Variants in CNOT6 observed in about 807,000 individuals in gnomAD.
CNOT6 encodes CCR4-NOT transcription complex subunit 6, also known as carbon catabolite repression 4 protein.
CNOT6 carries 12 observed loss-of-function variants against 61.2 expected under a neutral mutation model. The observed-to-expected ratio is 0.20, with a 90% confidence interval of 0.13 to 0.32. The LOEUF (loss-of-function observed/expected upper bound fraction) is 0.32, where lower values mean the gene tolerates loss of function less well. Among genes scored for constraint, CNOT6 ranks in the 10% least tolerant of loss-of-function variants. CNOT6 has a pLI of 1.00. For synonymous variants in CNOT6, 225 were observed against 240.6 expected (o/e 0.94, Z 0.60); for missense variants, 405 against 663.9 (o/e 0.61, Z 4.28).
chr5:180,533,036 G>C (rs1758470269), intron 2 of CNOT6, among the ~76,000 whole-genome samples: 1 of 152,076 alleles, frequency 6.6e-6, no homozygotes, highest in African/African-American at 2.4e-5. Flanking sequence ...TCATTACATA[G>C]GCATGGTTGA....
At position 180,536,999 on chromosome 5, in the gene CNOT6, C is replaced by G. The variant is rs560311058; in HGVS notation, c.112+7611C>G. On this transcript the variant is annotated intron_variant, in intron 2 of 11. Transcript: ENST00000261951. ...CTTGATAGCTCATTCTTTTTTAGCA[C>G]TGAGTAATATTCCATTGTCTGGATG... is the stretch of plus-strand genomic sequence containing the variant. Among the ~76,000 whole-genome samples, 15 of 152,270 alleles carry G rather than the reference C, an allele frequency of 9.9e-5. No individual in the cohort carries two copies. The South Asian group carries it at 1.9e-3, about 19-fold the overall frequency.
chr5:180,544,625 C>G (rs1295958990), intron 2 of CNOT6, among the ~76,000 whole-genome samples: 3 of 151,932 alleles, frequency 2.0e-5, no homozygotes, highest in Non-Finnish European at 2.9e-5. Context: ...GCTTATTTTT[C>G]TGGCAGATGG....
At chr5:180,572,285 G>A (rs757751678) in intron 11 of CNOT6, among the ~76,000 whole-genome samples, 31 of 152,042 alleles carry the variant, frequency 2.0e-4, no homozygotes, top group Non-Finnish European at 3.8e-4. Context: ...CACCTCCCAG[G>A]TTCAAGTGAT....
At chr5:180,529,429 A>T (rs1433641619) in intron 2 of CNOT6, 41 bp downstream of exon 2, 2 of 1,225,472 alleles carry the variant, frequency 1.6e-6, no homozygotes, top group East Asian at 4.6e-5. Context: ...GGAAATTAAG[A>T]TATGGTAGTA....
In CNOT6 at chr5:180,532,486, T is replaced by C. The variant is rs72648851; in HGVS notation, c.112+3098T>C. ...TGGGAAGAAGTTCTGTATACACATA[T>C]AGGGAAAAACCCTCAACCCATGTTT... On this transcript the variant is annotated intron_variant, in intron 2 of 11. Transcript: ENST00000261951. Among the ~76,000 whole-genome samples, 291 of 152,256 alleles carry C rather than the reference T, an allele frequency of 1.9e-3. 7 individuals are homozygous for C. In the East Asian group the frequency reaches 0.044, roughly 23 times the overall value.
intron 1 of CNOT6, among the ~76,000 whole-genome samples, chr5:180,513,027 C>G (rs1382516523): frequency 6.6e-6 from 1 of 152,156 alleles, no homozygotes. Flanking sequence ...TCCCGAGTAG[C>G]TGGGACTACA....
chr5:180,537,532 T>A (rs1472754770), intron 2 of CNOT6, among the ~76,000 whole-genome samples: 1 of 152,174 alleles, frequency 6.6e-6, no homozygotes, highest in African/African-American at 2.4e-5. Flanking sequence ...AATGCGGATA[T>A]GTCTTTTGCA....
intron 11 of CNOT6, among the ~76,000 whole-genome samples, chr5:180,573,155 G>C (rs970161361): frequency 4.6e-5 from 7 of 152,190 alleles, no homozygotes; most frequent in Non-Finnish European, 1.5e-5. Flanking sequence ...TGCTGATGCA[G>C]TGGCAGGAAG....
At chr5:180,547,580 T>C (rs1001356032) in intron 2 of CNOT6, among the ~76,000 whole-genome samples, 4 of 152,224 alleles carry the variant, frequency 2.6e-5, no homozygotes, top group African/African-American at 9.6e-5. Context: ...TGTTTACAGC[T>C]GGGAGTCTGC....
chr5:180,513,090 C>A (rs1007587201), intron 1 of CNOT6, among the ~76,000 whole-genome samples: 1 of 151,302 alleles, frequency 6.6e-6, no homozygotes, highest in South Asian at 2.1e-4. Flanking sequence ...GTAGACACGG[C>A]ATTTCACCTT....
At chr5:180,569,080 C>T (rs773360090) in intron 9 of CNOT6, 30 bp from the exon 10 acceptor site, 7 of 1,560,620 alleles carry the variant, frequency 4.5e-6, no homozygotes, top group Non-Finnish European at 6.2e-6. Context: ...GGTTTTGTCT[C>T]TTTCTTTGTT....
At chr5:180,509,583 ATT>A (rs756885836) in intron 1 of CNOT6, among the ~76,000 whole-genome samples, 24 of 139,768 alleles carry the variant, frequency 1.7e-4, no homozygotes, top group Non-Finnish European at 1.6e-4. Flanking sequence ...CACCTGGCTA[ATT>A]TTTTTTTTTT....
At chr5:180,572,619 AAC>A (rs1352003286) in intron 11 of CNOT6, among the ~76,000 whole-genome samples, 2 of 152,192 alleles carry the variant, frequency 1.3e-5, no homozygotes, top group Non-Finnish European at 2.9e-5. Flanking sequence ...ATGTGATGAT[AAC>A]ACACTGCAGC....
chr5:180,550,877 C>T (rs987960994), intron 3 of CNOT6, among the ~76,000 whole-genome samples: 4 of 152,156 alleles, frequency 2.6e-5, no homozygotes, highest in East Asian at 1.9e-4. Flanking sequence ...GGGCCTGTAG[C>T]ATGAAATATA....
At chr5:180,525,408 G>C (rs781571415) in intron 1 of CNOT6, among the ~76,000 whole-genome samples, 1 of 151,886 alleles carries the variant, frequency 6.6e-6, no homozygotes, top group African/African-American at 2.4e-5. Flanking sequence ...GTGTGGTGGC[G>C]CATGCCTGTA....
intron 6 of CNOT6, among the ~76,000 whole-genome samples, chr5:180,565,516 T>C (rs1049790893): frequency 7.2e-5 from 11 of 152,186 alleles, no homozygotes; most frequent in African/African-American, 2.7e-4. Flanking sequence ...AGAAGGAGTA[T>C]AGAAATGAGG....
At chr5:180,565,276 C>G (rs953690046) in intron 6 of CNOT6, among the ~76,000 whole-genome samples, 2 of 152,232 alleles carry the variant, frequency 1.3e-5, no homozygotes, top group Admixed American at 6.5e-5. Flanking sequence ...GAGAGCCAAA[C>G]CCTTACTTAG....
chr5:180,570,633 A>G (rs1760701498), intron 10 of CNOT6, among the ~76,000 whole-genome samples: 1 of 152,254 alleles, frequency 6.6e-6, no homozygotes. Flanking sequence ...GTATTATAAT[A>G]GCAGGCAGGT....
Position 180,528,073 on chromosome 5 carries a change from C to T in CNOT6, c.-2-1202C>T, listed in dbSNP as rs79238312. 4.1e-3 allele frequency among the ~76,000 whole-genome samples: 563 copies of T among 137,972 alleles called. 3 individuals are homozygous for T. Among genetic ancestry groups the T allele is most frequent in the African/African-American group, 0.013 (507 of 39,404 alleles). 90.5% of individuals were successfully genotyped at this position (137,972 alleles called of 152,430 possible). A position where few individuals can be genotyped will look rare whatever the true frequency, so the allele number is the denominator to read the frequency against. The stretch of plus-strand genomic sequence containing the variant: ...TCCGTGGTGCCAAAAAGGTTGGGAA[C>T]CACTGTTGTAGCCTGACTATCCATT... On this transcript the variant is annotated intron_variant, in intron 1 of 11. Coordinates refer to ENST00000261951, the MANE Select transcript of CNOT6 (RefSeq NM_001370472.1).
Sources: gnomAD v4.1 joint callset for allele counts (sites outside exome capture counted in the v4.1 genomes callset) on GRCh38, gnomAD v4.1.1 for gene constraint, MANE v1.5 for transcripts, NCBI Gene and HGNC (gene_info 2026-07-23, HGNC 2026-07-21) for gene names.